NAA40: variants seen among roughly 807,000 people sequenced by gnomAD.
The protein encoded by NAA40 is N-alpha-acetyltransferase 40, NatD catalytic subunit.
Under a neutral mutation model 36.6 loss-of-function variants are expected in NAA40, and 26 were observed. That is an observed-to-expected ratio of 0.71 (90% confidence interval 0.52 to 0.98). NAA40 has a LOEUF of 0.98. Among genes scored for constraint, NAA40 ranks in the 50% least tolerant of loss-of-function variants. NAA40 has a pLI of 0.00. For missense variants in NAA40, 237 were observed against 306.5 expected (o/e 0.77, Z 1.69); for synonymous variants, 129 against 108.4 (o/e 1.19, Z -1.18).
intron 7 of NAA40, 101 bp downstream of exon 7, chr11:63,954,150 T>A: frequency 7.2e-7 from 1 of 1,387,870 alleles, no homozygotes; most frequent in Non-Finnish European, 1.0e-6. Flanking sequence ...GAGCTCATGG[T>A]CCAGTGGTCC....
intron 1 of NAA40, among the ~76,000 whole-genome samples, chr11:63,944,855 A>G (rs1366549743): frequency 6.9e-6 from 1 of 145,922 alleles, no homozygotes; most frequent in Admixed American, 7.0e-5. Context: ...GTGAACCGAG[A>G]TCTCACCACT....
intron 3 of NAA40, among the ~76,000 whole-genome samples, chr11:63,947,942 G>A (rs1409974527): frequency 6.6e-6 from 1 of 152,078 alleles, no homozygotes; most frequent in Non-Finnish European, 1.5e-5. Flanking sequence ...GGCTGGTCTT[G>A]AACTCCTGAC....
Position 63,952,218 on chromosome 11 carries a change from A to G in NAA40, c.156-20A>G, listed in dbSNP as rs1942290310. On this transcript the variant is annotated intron_variant, in intron 3 of 7. Transcript: ENST00000377793. ...AGGAGTGCTGTAACCAATTCCGTAC[A>G]CGTCCTGTCCTCTTCTCAGGTTGAA... The G allele has an allele frequency of 6.3e-7, 1 of 1,582,542 alleles. No homozygotes were observed. The highest frequency in any genetic ancestry group is 1.3e-5 in the African/African-American group (1 of 74,278).
At chr11:63,948,239 A>C (rs1223155645) in intron 3 of NAA40, among the ~76,000 whole-genome samples, 1 of 152,160 alleles carries the variant, frequency 6.6e-6, no homozygotes, top group Non-Finnish European at 1.5e-5. Context: ...GCTGACACTC[A>C]CATTTAATGC....
In NAA40 at chr11:63,954,746, C is replaced by T. The variant is rs1942337321; in HGVS notation, c.*267C>T. 3.1e-6 allele frequency: 1 copy of T among 322,922 alleles called. No homozygotes were observed. The allele number at this position is 322,922 out of a possible 1,614,324, so 20.0% of individuals were successfully genotyped here. A position where few individuals can be genotyped will look rare whatever the true frequency, so the allele number is the denominator to read the frequency against. On this transcript the variant is annotated 3_prime_UTR_variant, in exon 8 of 8. Transcript: ENST00000377793. ...AGCTCATCCTCCACAGTGGCTGCCT[C>T]CTCATTTGGCTCCTGGGGCCTGCAG...
intron 1 of NAA40, among the ~76,000 whole-genome samples, chr11:63,944,952 C>T (rs1343331000): frequency 6.6e-6 from 1 of 151,470 alleles, no homozygotes; most frequent in Non-Finnish European, 1.5e-5. Context: ...ATGAGGCCTG[C>T]CAGGTGTCAG....
intron 3 of NAA40, among the ~76,000 whole-genome samples, chr11:63,950,158 G>T (rs1942256381): frequency 7.3e-6 from 1 of 137,340 alleles, no homozygotes; most frequent in African/African-American, 2.8e-5. Context: ...CTCGCTCTGT[G>T]CCTAGGCTGG....
Position 63,947,004 on chromosome 11 carries a change from G to T in NAA40, c.155+1G>T. The stretch of plus-strand genomic sequence containing the variant: ...TGTTCAAGAAATATGATAGAAACGG[G>T]TGAGTCACATTGAGCATTACCAACT... On this transcript the variant is annotated splice_donor_variant, in intron 3 of 7. Transcript: ENST00000377793. LOFTEE classifies it high-confidence loss of function. The T allele has an allele frequency of 1.2e-6, 2 of 1,613,938 alleles. No homozygotes were observed. Among genetic ancestry groups the T allele is most frequent in the Non-Finnish European group, 1.7e-6 (2 of 1,179,804 alleles).
At chr11:63,948,096 C>G (rs1410668036) in intron 3 of NAA40, among the ~76,000 whole-genome samples, 3 of 152,026 alleles carry the variant, frequency 2.0e-5, no homozygotes, top group African/African-American at 7.2e-5. Context: ...CTCAACTGAC[C>G]CACCTGCCTC....
chr11:63,953,426 C>G lies in NAA40; in HGVS notation c.495-546C>G, dbSNP rs117855642. Among the ~76,000 whole-genome samples the G allele has an allele frequency of 1.3e-4, 20 of 152,300 alleles. No individual in the cohort carries two copies. In the East Asian group the frequency reaches 3.9e-3, roughly 29 times the overall value. ...CTACAGAGAGGAAGTGGGAAACATC[C>G]TTGCTCTGGAAGAAGCCAGTCTGGT... is the stretch of plus-strand genomic sequence containing the variant. On this transcript the variant is annotated intron_variant, in intron 6 of 7. Transcript: ENST00000377793.
At chr11:63,941,881 A>G (rs563367598) in intron 1 of NAA40, among the ~76,000 whole-genome samples, 1 of 152,048 alleles carries the variant, frequency 6.6e-6, no homozygotes, top group African/African-American at 2.4e-5. Context: ...ATTTGTCTTT[A>G]TGACCCCTTC....
At chr11:63,943,467 A>G (rs1403243022) in intron 1 of NAA40, among the ~76,000 whole-genome samples, 4 of 152,180 alleles carry the variant, frequency 2.6e-5, no homozygotes, top group Non-Finnish European at 5.9e-5. Context: ...ACCAAGTGGA[A>G]GTCCACTATG....
At chr11:63,952,683 A>T (rs112188619) in intron 5 of NAA40, 73 bp from the exon 6 acceptor site, 3 of 1,603,140 alleles carry the variant, frequency 1.9e-6, no homozygotes, top group Non-Finnish European at 2.6e-6. Flanking sequence ...AAGGACTGCA[A>T]GCTCCTCTGC....
intron 1 of NAA40, among the ~76,000 whole-genome samples, chr11:63,944,991 C>A (rs999651603): frequency 1.3e-5 from 2 of 151,938 alleles, no homozygotes; most frequent in African/African-American, 4.8e-5. Flanking sequence ...TGTTACCTGG[C>A]TTTTCACAAT....
Position 63,954,065 on chromosome 11 carries a change from T to C in NAA40, c.572+16T>C, listed in dbSNP as rs778251127. On this transcript the variant is annotated intron_variant, in intron 7 of 7. Transcript: ENST00000377793. ...AAGCGTTGCAGTAAGGAGCTGGGTG[T>C]GGGCCCTTCTGGGTGGTAGGTGGGC... 2.4e-5 allele frequency: 39 copies of C among 1,613,394 alleles called. No individual in the cohort carries two copies. The highest frequency in any genetic ancestry group is 3.3e-5 in the Non-Finnish European group (39 of 1,179,456).
Position 63,952,249 on chromosome 11 carries a change from C to T in NAA40, c.167C>T (p.Ser56Phe), listed in dbSNP as rs114511851. The change falls in exon 4 of 8, where the codon TCC becomes TTC. Residue 56 changes from serine to phenylalanine, a missense_variant. Physicochemically the swap from Ser to Phe is radical, Grantham distance 155. Coordinates refer to ENST00000377793, the MANE Select transcript of NAA40 (RefSeq NM_024771.4). ...KKYDRNGLNV[S>F]IECKRVSGLE... is the part of the protein sequence containing the mutation. ...TGTCCTCTTCTCAGGTTGAATGTCT[C>T]CATTGAATGTAAGCGAGTGTCTGGA... is the stretch of plus-strand genomic sequence containing the variant. The T allele has an allele frequency of 1.1e-3, 1,849 of 1,612,112 alleles. 31 individuals are homozygous for T. The African/African-American group carries it at 0.021, about 19-fold the overall frequency.
intron 1 of NAA40, among the ~76,000 whole-genome samples, chr11:63,941,186 A>T (rs1370754046): frequency 6.6e-6 from 1 of 152,230 alleles, no homozygotes; most frequent in Admixed American, 6.5e-5. Flanking sequence ...TAAAATTGAC[A>T]GTAAGAGAGA....
At chr11:63,946,631 G>A (rs1942191279) in intron 2 of NAA40, 11 of 1,337,464 alleles carry the variant, frequency 8.2e-6, no homozygotes, top group Non-Finnish European at 1.1e-5. Flanking sequence ...TAAAGTCAGT[G>A]TGCAGCAGAT....
At chr11:63,941,127 C>T (rs1197796813) in intron 1 of NAA40, among the ~76,000 whole-genome samples, 1 of 152,210 alleles carries the variant, frequency 6.6e-6, no homozygotes, top group Non-Finnish European at 1.5e-5. Flanking sequence ...CAATCTTATA[C>T]TTTACAGATG....
Sources: allele counts gnomAD v4.1 joint callset (sites outside exome capture counted in the v4.1 genomes callset), GRCh38; gene constraint gnomAD v4.1.1; transcripts MANE v1.5; gene names NCBI Gene and HGNC (gene_info 2026-07-23, HGNC 2026-07-21).